ACTR3C: variants seen among roughly 807,000 people sequenced by gnomAD.
The protein encoded by ACTR3C is actin related protein 3C.
A neutral mutation model predicts 26.3 loss-of-function variants in ACTR3C; 18 were observed. The ratio of observed to expected loss-of-function variants is 0.68; its 90% CI spans 0.47 to 1.01. The LOEUF (loss-of-function observed/expected upper bound fraction) is 1.01. ACTR3C is among the 50% of genes least tolerant of loss of function. The pLI is 0.00. For missense variants in ACTR3C, 184 were observed against 250.7 expected, an observed-to-expected ratio of 0.73 and a Z score of 1.80; for synonymous variants, 55 against 94.5, an observed-to-expected ratio of 0.58 and a Z score of 2.42.
At chr7:149,883,402 G>A in the ACTR3C span, among the ~76,000 whole-genome samples, 1,713 of 152,210 alleles carry the variant, frequency 0.011, 27 homozygotes, top group African/African-American at 0.039. Context: ...GATGCTCACG[G>A]ACCTACACGA....
At chr7:149,979,294 A>G in the ACTR3C span, among the ~76,000 whole-genome samples, 50 of 152,356 alleles carry the variant, frequency 3.3e-4, no homozygotes, top group Admixed American at 8.5e-4. Context: ...TCTGCAAAAG[A>G]TAGAGTGGGG....
chr7:149,898,199 T>C, the ACTR3C span, among the ~76,000 whole-genome samples: 3 of 152,132 alleles, frequency 2.0e-5, no homozygotes, highest in African/African-American at 7.2e-5. Context: ...CCACGACGAC[T>C]GAGGTGATCT....
the ACTR3C span, among the ~76,000 whole-genome samples, chr7:150,035,715 GGT>G: frequency 7.2e-6 from 1 of 139,532 alleles, no homozygotes; most frequent in Non-Finnish European, 1.6e-5. Context: ...TAAGCCAGGG[GGT>G]GAAGATGGTC....
the ACTR3C span, among the ~76,000 whole-genome samples, chr7:150,098,927 A>G: frequency 1.3e-5 from 2 of 150,670 alleles, no homozygotes; most frequent in Non-Finnish European, 3.0e-5. Flanking sequence ...AATGGTCTAC[A>G]ATAGCCTTTC....
the ACTR3C span, among the ~76,000 whole-genome samples, chr7:149,965,593 C>T: frequency 1.3e-5 from 2 of 152,034 alleles, no homozygotes; most frequent in African/African-American, 4.8e-5. Flanking sequence ...CCTTTGAGAT[C>T]ATCCAGTTCA....
chr7:149,913,838 T>G, the ACTR3C span, among the ~76,000 whole-genome samples: 1 of 151,154 alleles, frequency 6.6e-6, no homozygotes, highest in Non-Finnish European at 1.5e-5. Context: ...TCTATAATAC[T>G]GAAGTTTAAT....
At chr7:150,312,978 T>A (rs1796458184) in intron 1 of ACTR3C, among the ~76,000 whole-genome samples, 1 of 152,148 alleles carries the variant, frequency 6.6e-6, no homozygotes, top group Non-Finnish European at 1.5e-5. Context: ...CCTTATGACA[T>A]TCCACCATTA....
the ACTR3C span, among the ~76,000 whole-genome samples, chr7:149,906,330 T>G: frequency 2.8e-4 from 43 of 151,200 alleles, no homozygotes; most frequent in Admixed American, 1.8e-3. Flanking sequence ...TCATTTACTC[T>G]GATACAGAGA....
At chr7:149,886,957 CAAA>C in the ACTR3C span, among the ~76,000 whole-genome samples, 72,011 of 136,022 alleles carry the variant, frequency 0.53, 17,675 homozygotes, top group Middle Eastern at 0.6. Flanking sequence ...GAGACTGACT[CAAA>C]AAAAAAAAAA....
At chr7:150,141,116 A>G in the ACTR3C span, among the ~76,000 whole-genome samples, 1 of 152,284 alleles carries the variant, frequency 6.6e-6, no homozygotes, top group African/African-American at 2.4e-5. Flanking sequence ...GCTGGAAGCT[A>G]GCAAAGATTG....
the ACTR3C span, among the ~76,000 whole-genome samples, chr7:150,082,860 G>C: frequency 6.6e-6 from 1 of 151,528 alleles, no homozygotes; most frequent in Non-Finnish European, 1.5e-5. Context: ...GCAAATGGAA[G>C]CACAGGATCA....
chr7:149,920,350 AGGCTGGAGTGCAGT>A, the ACTR3C span, among the ~76,000 whole-genome samples: 1 of 151,706 alleles, frequency 6.6e-6, no homozygotes, highest in Non-Finnish European at 1.5e-5. Flanking sequence ...TTTGTCACCC[AGGCTGGAGTGCAGT>A]GGCGCAGTCA....
chr7:150,277,558 AC>A (rs1452082866), intron 6 of ACTR3C, among the ~76,000 whole-genome samples: 1 of 151,958 alleles, frequency 6.6e-6, no homozygotes, highest in African/African-American at 2.4e-5. Flanking sequence ...AAAGCCTCCA[AC>A]CTACAAATGC....
At chr7:149,943,826 C>T in the ACTR3C span, among the ~76,000 whole-genome samples, 3 of 146,536 alleles carry the variant, frequency 2.0e-5, no homozygotes, top group South Asian at 2.1e-4. Flanking sequence ...AAGGCAGACT[C>T]GTTCAAAGAC....
At chr7:149,973,441 A>G in the ACTR3C span, among the ~76,000 whole-genome samples, 5 of 152,230 alleles carry the variant, frequency 3.3e-5, no homozygotes, top group East Asian at 3.8e-4. Context: ...CTTCATGTAA[A>G]TGTGGATCAA....
At chr7:150,076,827 T>A in the ACTR3C span, among the ~76,000 whole-genome samples, 1 of 152,008 alleles carries the variant, frequency 6.6e-6, no homozygotes, top group African/African-American at 2.4e-5. Context: ...CCAAAGTATT[T>A]TTGGAGGCGT....
chr7:149,968,636 T>G, the ACTR3C span, among the ~76,000 whole-genome samples: 1 of 152,256 alleles, frequency 6.6e-6, no homozygotes, highest in Admixed American at 6.5e-5. Flanking sequence ...ATTACAGATG[T>G]GAGCCATCAT....
intron 1 of ACTR3C, among the ~76,000 whole-genome samples, chr7:150,319,922 A>C (rs1797329070): frequency 6.6e-6 from 1 of 152,250 alleles, no homozygotes; most frequent in Non-Finnish European, 1.5e-5. Flanking sequence ...AACCCTCCTG[A>C]AACTTGGCTT....
chr7:150,146,891 A>C, the ACTR3C span, among the ~76,000 whole-genome samples: 1 of 152,222 alleles, frequency 6.6e-6, no homozygotes, highest in Non-Finnish European at 1.5e-5. Flanking sequence ...TTTTCTTAAA[A>C]GATTGAGATT....
Sources: allele counts gnomAD v4.1 joint callset (sites outside exome capture counted in the v4.1 genomes callset), GRCh38; gene constraint gnomAD v4.1.1; transcripts MANE v1.5; gene names NCBI Gene and HGNC (gene_info 2026-07-23, HGNC 2026-07-21).